The following SPG11 variants were observed in gnomAD, a reference collection of about 807,000 sequenced individuals.
The protein encoded by SPG11 is SPG11 vesicle trafficking associated, spatacsin, also known as spatacsin.
A neutral mutation model predicts 274.0 loss-of-function variants in SPG11; 222 were observed. The observed-to-expected ratio is 0.81, with a 90% CI of 0.73 to 0.91. The LOEUF (loss-of-function observed/expected upper bound fraction) is 0.91. Among genes scored for constraint, SPG11 ranks in the 40% least tolerant of loss-of-function variants. The pLI is 0.00. For missense variants in SPG11, 3,114 were observed against 2,872.7 expected, an observed-to-expected ratio of 1.08 and a Z score of -1.92; for synonymous variants, 1,144 against 1,039.7, an observed-to-expected ratio of 1.10 and a Z score of -1.93.
rs771242219 is a variant in SPG11, at chr15:44,573,709, C to T, written c.6043G>A (p.Asp2015Asn). 146 of 1,614,080 alleles carry T rather than the reference C, an allele frequency of 9.0e-5. No homozygotes were observed. Among genetic ancestry groups the T allele is most frequent in the East Asian group, 1.1e-4 (5 of 44,892 alleles). Reference protein sequence around the residue: ...GCSYTDVAAQDGEAMLRKILA... With the variant: ...GCSYTDVAAQNGEAMLRKILA... ...ATTTTCCGGAGCATGGCTTCACCAT[C>T]CTGAGCAGCAACATCTGTGTAGGAA... The change falls in exon 32 of 40, where the codon GAT becomes AAT. Residue 2015 changes from aspartate (D) to asparagine (N), a missense_variant. Physicochemically the swap from Asp to Asn is conservative, Grantham distance 23. Coordinates refer to ENST00000261866, the MANE Select transcript of SPG11 (RefSeq NM_025137.4).
At chr15:44,578,848 A>C (rs191702358) in intron 30 of SPG11, among the ~76,000 whole-genome samples, 90 of 152,354 alleles carry the variant, frequency 5.9e-4, no homozygotes, top group Non-Finnish European at 7.3e-5. Context: ...TATTTTAATA[A>C]TACACTATTC....
intron 39 of SPG11, among the ~76,000 whole-genome samples, chr15:44,564,300 T>C (rs1415978051): frequency 6.6e-6 from 1 of 152,208 alleles, no homozygotes; most frequent in African/African-American, 2.4e-5. Flanking sequence ...GCCAGTGTTT[T>C]AGGTTTTTGG....
intron 26 of SPG11, 127 bp downstream of exon 26, chr15:44,595,132 T>C: frequency 1.0e-6 from 1 of 953,012 alleles, no homozygotes; most frequent in South Asian, 1.4e-5. Context: ...GTGGTACTTC[T>C]AATATTATCA....
At position 44,596,849 on chromosome 15, in the gene SPG11, C is replaced by T. The variant is rs1197681500; in HGVS notation, c.4096G>A (p.Ala1366Thr). ...AACTGCAGCCAATCATTTGCTTTGG[C>T]ACATTCTCTAAGGTAAGATATGCTT... Reference protein sequence around the residue: ...KLSISYLRECAKANDWLQFII... With the variant: ...KLSISYLRECTKANDWLQFII... Residue 1366 changes from alanine (A) to threonine (T), a missense_variant, in exon 24 of 40, where the codon GCC (alanine) becomes ACC (threonine). Coordinates refer to ENST00000261866, the MANE Select transcript of SPG11 (RefSeq NM_025137.4). 1 of 1,613,958 alleles carries T rather than the reference C, an allele frequency of 6.2e-7. No individual in the cohort carries two copies. The highest frequency in any genetic ancestry group is 1.3e-5 in the African/African-American group (1 of 74,984).
rs1263452000 is a variant in SPG11, at chr15:44,598,329, C to T, written c.3937G>A (p.Glu1313Lys). Reference protein sequence around the residue: ...KLADGEKTTTEELLVLLEEGT... With the variant: ...KLADGEKTTTKELLVLLEEGT... ...TCTTCTAAGAGAACAAGCAATTCTT[C>T]TGTGGTTGTCTTTTCACCATCAGCT... Residue 1313 changes from glutamate to lysine, a missense_variant, in exon 23 of 40, where the codon GAA (glutamate) becomes AAA (lysine). Coordinates refer to ENST00000261866, the MANE Select transcript of SPG11 (RefSeq NM_025137.4). 1.9e-6 allele frequency: 3 copies of T among 1,613,996 alleles called. No homozygotes were observed. In the East Asian group the frequency reaches 6.7e-5, roughly 36 times the overall value.
intron 15 of SPG11, 97 bp downstream of exon 15, chr15:44,620,093 G>T: frequency 1.0e-6 from 1 of 958,074 alleles, no homozygotes; most frequent in East Asian, 2.5e-5. Flanking sequence ...ACACTACACT[G>T]GATTTATGGC....
intron 33 of SPG11, among the ~76,000 whole-genome samples, chr15:44,570,930 C>A (rs1198363252): frequency 6.6e-6 from 1 of 152,174 alleles, no homozygotes; most frequent in Non-Finnish European, 1.5e-5. Flanking sequence ...GAGAACACAG[C>A]ACCCTCGCCT....
chr15:44,614,187 A>T (rs1237683686), intron 16 of SPG11, among the ~76,000 whole-genome samples: 7 of 152,226 alleles, frequency 4.6e-5, no homozygotes, highest in Admixed American at 2.6e-4. Context: ...AAGTAAGACT[A>T]ATGATATGAC....
chr15:44,596,693 CCT>C, intron 24 of SPG11, 89 bp downstream of exon 24: 1 of 562,070 alleles, frequency 1.8e-6, no homozygotes, highest in Non-Finnish European at 3.2e-6. Flanking sequence ...AAAAAAAAGG[CCT>C]ATGTCATGTC....
At chr15:44,652,908 C>T (rs555390087) in intron 4 of SPG11, among the ~76,000 whole-genome samples, 2 of 152,202 alleles carry the variant, frequency 1.3e-5, no homozygotes, top group South Asian at 2.1e-4. Context: ...GTGCCTGCCT[C>T]GGCCTCCAGT....
At chr15:44,663,347 G>C (rs1342491458) in intron 1 of SPG11, 44 bp downstream of exon 1, 1 of 1,588,268 alleles carries the variant, frequency 6.3e-7, no homozygotes, top group South Asian at 1.1e-5. Context: ...GCCGAGCCTA[G>C]GCTCTGGACT....
chr15:44,620,535 T>C (rs2083715051), intron 14 of SPG11, 132 bp from the exon 15 acceptor site: 1 of 726,032 alleles, frequency 1.4e-6, no homozygotes, highest in Non-Finnish European at 2.2e-6. Context: ...ATTCAGGTCC[T>C]CTGTTTTACT....
At chr15:44,592,269 A>ATT in intron 27 of SPG11, 62 bp downstream of exon 27, 2 of 1,021,600 alleles carry the variant, frequency 2.0e-6, no homozygotes, top group Non-Finnish European at 3.1e-6. Flanking sequence ...CAAAAACAAA[A>ATT]AAGTCCATGC....
In SPG11 at chr15:44,620,251, T is replaced by C. The variant is rs746325672; in HGVS notation, c.2773A>G (p.Ile925Val). 4 of 1,614,114 alleles carry C rather than the reference T, an allele frequency of 2.5e-6. No homozygotes were observed. Among genetic ancestry groups the C allele is most frequent in the Admixed American group, 3.3e-5 (2 of 60,014 alleles). The change falls in exon 15 of 40, where the codon ATT becomes GTT. Residue 925 changes from isoleucine to valine, a missense_variant. Physicochemically the swap from Ile to Val is conservative, Grantham distance 29. Transcript: ENST00000261866. ...NKWPLLTVDVINQNTSCNNYM... is the reference protein window; with the variant it reads ...NKWPLLTVDVVNQNTSCNNYM... ...TTGTTACAGGAAGTATTCTGGTTAA[T>C]AACATCAACAGTCAGAAGGGGCCAT... is the stretch of plus-strand genomic sequence containing the variant.
chr15:44,575,163 G>A (rs1327910670), intron 30 of SPG11, 122 bp from the exon 31 acceptor site: 2 of 1,253,822 alleles, frequency 1.6e-6, no homozygotes, highest in Admixed American at 4.1e-5. Flanking sequence ...CTCTGACTGG[G>A]GATAGGACCA....
intron 4 of SPG11, 126 bp from the exon 5 acceptor site, chr15:44,652,392 G>A (rs1595928646): frequency 2.0e-6 from 2 of 989,906 alleles, no homozygotes; most frequent in African/African-American, 3.2e-5. Flanking sequence ...CCGCAGAAAG[G>A]AACTCCTTAT....
chr15:44,609,207 C>G (rs936240030), intron 18 of SPG11, among the ~76,000 whole-genome samples: 9 of 152,100 alleles, frequency 5.9e-5, no homozygotes, highest in African/African-American at 2.2e-4. Flanking sequence ...TCTCGGCTCA[C>G]TGCAAGCTCC....
At chr15:44,564,365 C>A (rs1191332481) in intron 39 of SPG11, among the ~76,000 whole-genome samples, 182 bp downstream of exon 39, 1 of 152,170 alleles carries the variant, frequency 6.6e-6, no homozygotes, top group East Asian at 1.9e-4. Flanking sequence ...GCAAACTGTT[C>A]TTGTTGATCT....
In SPG11 at chr15:44,626,488, ATGGCGC is replaced by A; in HGVS notation, c.2081_2086del (p.Ser694_Ala695del). 1 of 1,613,934 alleles carries A rather than the reference ATGGCGC, an allele frequency of 6.2e-7. No individual in the cohort carries two copies. Among genetic ancestry groups the A allele is most frequent in the African/African-American group, 1.3e-5 (1 of 75,054 alleles). ...TGCCTCTGGTATTTTGTTGTTTAAA[ATGGCGC>A]TGGCAATAACTTCCTAGGAAAAGAA... On this transcript the variant is annotated inframe_deletion, in exon 11 of 40. Transcript: ENST00000261866.
Sources: allele counts gnomAD v4.1 joint callset (sites outside exome capture counted in the v4.1 genomes callset), GRCh38; gene constraint gnomAD v4.1.1; transcripts MANE v1.5; gene names NCBI Gene and HGNC (gene_info 2026-07-23, HGNC 2026-07-21).